Variants in SDC2 observed in about 807,000 individuals in gnomAD.
SDC2 encodes the protein syndecan-2.
In SDC2, 13 loss-of-function variants were observed where a neutral mutation model predicts 22.2. That is an observed-to-expected ratio of 0.59 (90% CI 0.38 to 0.93). The LOEUF (loss-of-function observed/expected upper bound fraction) is 0.93. SDC2 is among the 40% of genes least tolerant of loss of function. The pLI, the probability that SDC2 is intolerant of heterozygous loss-of-function variation, is 0.00. For synonymous variants in SDC2, 94 were observed against 92.8 expected, an observed-to-expected ratio of 1.01 and a Z score of -0.07; for missense variants, 235 against 246.8, an observed-to-expected ratio of 0.95 and a Z score of 0.32.
chr8:96,525,933 C>G (rs368795865), intron 1 of SDC2, among the ~76,000 whole-genome samples: 1 of 152,058 alleles, frequency 6.6e-6, no homozygotes, highest in Non-Finnish European at 1.5e-5. Flanking sequence ...AGGGTGGGGC[C>G]GCACAGGAAC....
chr8:96,600,208 T>C (rs556109403), intron 2 of SDC2, among the ~76,000 whole-genome samples: 101 of 152,286 alleles, frequency 6.6e-4, no homozygotes, highest in African/African-American at 2.4e-3. Context: ...TGTGTTGCTT[T>C]CCCACCTGCT....
intron 1 of SDC2, among the ~76,000 whole-genome samples, chr8:96,521,843 C>T (rs1277382907): frequency 1.3e-5 from 2 of 152,206 alleles, no homozygotes; most frequent in Middle Eastern, 3.4e-3. Context: ...TTGAGCTGTT[C>T]GTGTTTTGTT....
chr8:96,528,772 A>T (rs2582826), intron 1 of SDC2, among the ~76,000 whole-genome samples: 34,844 of 152,158 alleles, frequency 0.23, 4,900 homozygotes, highest in African/African-American at 0.4. Context: ...GGCAGAGAGA[A>T]AAACTGGAAA....
chr8:96,581,426 T>C (rs1814587637), intron 1 of SDC2, among the ~76,000 whole-genome samples: 1 of 152,062 alleles, frequency 6.6e-6, no homozygotes, highest in Non-Finnish European at 1.5e-5. Context: ...GGTTAGGAGT[T>C]CGAGACCAAC....
chr8:96,504,176 A>T (rs1401131878), intron 1 of SDC2, among the ~76,000 whole-genome samples: 1 of 152,250 alleles, frequency 6.6e-6, no homozygotes, highest in East Asian at 1.9e-4. Context: ...CTGAAGGCAT[A>T]TTATATTTGG....
At chr8:96,567,346 T>C (rs1331936297) in intron 1 of SDC2, among the ~76,000 whole-genome samples, 2 of 152,244 alleles carry the variant, frequency 1.3e-5, no homozygotes, top group Non-Finnish European at 2.9e-5. Context: ...TTGGCATGTT[T>C]TGCCATTAAA....
intron 1 of SDC2, among the ~76,000 whole-genome samples, chr8:96,550,409 A>G (rs760235630): frequency 6.6e-6 from 1 of 152,336 alleles, no homozygotes; most frequent in Admixed American, 6.5e-5. Context: ...TTCTTGTCCA[A>G]AGCATTTTGG....
intron 1 of SDC2, among the ~76,000 whole-genome samples, chr8:96,565,452 A>AT (rs1298259232): frequency 6.6e-6 from 1 of 151,780 alleles, no homozygotes. Context: ...GTACATCTTC[A>AT]TTTTTTTTCC....
At chr8:96,495,585 C>G (rs188842132) in intron 1 of SDC2, among the ~76,000 whole-genome samples, 1 of 152,158 alleles carries the variant, frequency 6.6e-6, no homozygotes, top group African/African-American at 2.4e-5. Flanking sequence ...AATAACGTGT[C>G]AATTTCTAAT....
At chr8:96,560,382 C>T (rs144450349) in intron 1 of SDC2, among the ~76,000 whole-genome samples, 2,962 of 152,152 alleles carry the variant, frequency 0.019, 56 homozygotes, top group South Asian at 0.053. Flanking sequence ...ATTATTTTGA[C>T]GATTAAAGGA....
intron 1 of SDC2, among the ~76,000 whole-genome samples, chr8:96,569,281 T>A (rs961931200): frequency 1.3e-5 from 2 of 152,216 alleles, no homozygotes; most frequent in Non-Finnish European, 2.9e-5. Flanking sequence ...AGTGTTGGGA[T>A]TACAGGCATG....
chr8:96,602,751 A>G (rs1026547376), intron 3 of SDC2, among the ~76,000 whole-genome samples: 13 of 152,190 alleles, frequency 8.5e-5, no homozygotes, highest in African/African-American at 3.1e-4. Context: ...CTTTTTGATC[A>G]TTTTGGCATT....
chr8:96,583,271 T>A (rs541177860), intron 1 of SDC2, among the ~76,000 whole-genome samples: 1 of 128,666 alleles, frequency 7.8e-6, no homozygotes, highest in South Asian at 2.4e-4. Context: ...TGCTTTAGAT[T>A]TATATATAAT....
intron 3 of SDC2, among the ~76,000 whole-genome samples, chr8:96,604,172 G>A (rs1815039521): frequency 6.6e-6 from 1 of 152,212 alleles, no homozygotes; most frequent in Non-Finnish European, 1.5e-5. Context: ...GGCTTGTAGT[G>A]ATAGAGAGTT....
intron 1 of SDC2, among the ~76,000 whole-genome samples, chr8:96,590,276 A>G (rs1000609717): frequency 7.2e-5 from 11 of 152,214 alleles, no homozygotes; most frequent in African/African-American, 2.7e-4. Context: ...TCAGTCCCAA[A>G]TTAAACAGCC....
At chr8:96,521,676 C>G (rs139294144) in intron 1 of SDC2, among the ~76,000 whole-genome samples, 1 of 152,138 alleles carries the variant, frequency 6.6e-6, no homozygotes, top group Non-Finnish European at 1.5e-5. Flanking sequence ...ACATCTGTGT[C>G]GGGTATTGAG....
At chr8:96,587,139 G>T (rs983377826) in intron 1 of SDC2, among the ~76,000 whole-genome samples, 1 of 152,152 alleles carries the variant, frequency 6.6e-6, no homozygotes, top group Non-Finnish European at 1.5e-5. Context: ...GGCCAGGCTG[G>T]TCTCAAACTC....
At chr8:96,562,990 A>G (rs998682974) in intron 1 of SDC2, among the ~76,000 whole-genome samples, 1 of 151,928 alleles carries the variant, frequency 6.6e-6, no homozygotes, top group Non-Finnish European at 1.5e-5. Context: ...TTTGACGCAC[A>G]TCACCCCTAA....
chr8:96,527,162 C>T (rs1300473878), intron 1 of SDC2, among the ~76,000 whole-genome samples: 2 of 152,274 alleles, frequency 1.3e-5, no homozygotes, highest in Non-Finnish European at 2.9e-5. Context: ...AGGGCAGGCA[C>T]GTTCTGCCTA....
Sources: allele counts gnomAD v4.1 joint callset (sites outside exome capture counted in the v4.1 genomes callset), GRCh38; gene constraint gnomAD v4.1.1; transcripts MANE v1.5; gene names NCBI Gene and HGNC (gene_info 2026-07-23, HGNC 2026-07-21).